SYNPR: variants seen among roughly 807,000 people sequenced by gnomAD.
The protein encoded by SYNPR is synaptoporin.
Under a neutral mutation model 32.9 loss-of-function variants are expected in SYNPR, and 23 were observed. The observed-to-expected ratio is 0.70, with a 90% CI of 0.50 to 0.99. SYNPR has a LOEUF of 0.99. SYNPR is among the 50% of genes least tolerant of loss of function. The pLI, the probability that SYNPR is intolerant of heterozygous loss-of-function variation, is 0.00. For missense variants in SYNPR, 318 were observed against 349.3 expected, an observed-to-expected ratio of 0.91 and a Z score of 0.71; for synonymous variants, 146 against 135.9, an observed-to-expected ratio of 1.07 and a Z score of -0.52.
intron 3 of SYNPR, among the ~76,000 whole-genome samples, chr3:63,493,650 T>C (rs1210830751): frequency 2.0e-5 from 3 of 151,796 alleles, no homozygotes; most frequent in Non-Finnish European, 4.4e-5. Flanking sequence ...ACCTCATCTC[T>C]ACTGAAAATA....
chr3:63,528,088 A>G (rs1702048320), intron 3 of SYNPR, among the ~76,000 whole-genome samples: 1 of 152,212 alleles, frequency 6.6e-6, no homozygotes, highest in South Asian at 2.1e-4. Flanking sequence ...CACTTGGAAG[A>G]TAACTACAGG....
At chr3:63,478,474 A>G (rs1700977579) in intron 2 of SYNPR, among the ~76,000 whole-genome samples, 1 of 152,184 alleles carries the variant, frequency 6.6e-6, no homozygotes, top group South Asian at 2.1e-4. Context: ...ATGCCTCACA[A>G]TATTGTTGCC....
At position 63,441,776 on chromosome 3, in the gene SYNPR, G is replaced by T. The variant is rs1559500271; in HGVS notation, c.85-39056G>T. On this transcript the variant is annotated intron_variant, in intron 2 of 5. Coordinates refer to ENST00000478300, the MANE Select transcript of SYNPR (RefSeq NM_001130003.2). The stretch of plus-strand genomic sequence containing the variant: ...TGAAGAATTGGTAAGCACCCCAAAA[G>T]CTCAGGCATAGGCAACAAGCGGATC... Among the ~76,000 whole-genome samples, 8 of 152,320 alleles carry T rather than the reference G, an allele frequency of 5.3e-5. No individual in the cohort carries two copies. The South Asian group carries it at 1.7e-3, about 32-fold the overall frequency.
At chr3:63,393,917 T>C (rs888479482) in intron 2 of SYNPR, among the ~76,000 whole-genome samples, 1 of 152,222 alleles carries the variant, frequency 6.6e-6, no homozygotes, top group Non-Finnish European at 1.5e-5. Flanking sequence ...TTTCTGTTTA[T>C]ATCTTTTGTC....
At chr3:63,484,328 C>T (rs950790887) in intron 3 of SYNPR, among the ~76,000 whole-genome samples, 14 of 152,110 alleles carry the variant, frequency 9.2e-5, no homozygotes, top group Non-Finnish European at 2.1e-4. Context: ...ATGAAATTTA[C>T]TTGATAACTA....
Position 63,607,799 on chromosome 3 carries a change from T to C in SYNPR, c.409-1326T>C, listed in dbSNP as rs1857820. 7.2e-5 allele frequency among the ~76,000 whole-genome samples: 11 copies of C among 152,264 alleles called. No homozygotes were observed. The East Asian group carries it at 2.1e-3, about 30-fold the overall frequency. ...CCACAAAGATCACACCTAACAAATGTCTGGCACCACAGCATCTATAGAGTG... is the reference window on the plus strand; with the variant it reads ...CCACAAAGATCACACCTAACAAATGCCTGGCACCACAGCATCTATAGAGTG... On this transcript the variant is annotated intron_variant, in intron 4 of 5. Coordinates refer to ENST00000478300, the MANE Select transcript of SYNPR (RefSeq NM_001130003.2).
At position 63,616,096 on chromosome 3, in the gene SYNPR, T is replaced by C. The variant is rs1700274851; in HGVS notation, c.*615T>C. On this transcript the variant is annotated 3_prime_UTR_variant, in exon 6 of 6. Transcript: ENST00000478300. ...TTGCACCATGAATTTGTCAAATGGA[T>C]ATTTATAGGAATATATTCACTACTT... 1 of 152,260 alleles carries C rather than the reference T, an allele frequency of 6.6e-6. No homozygotes were observed. The highest frequency in any genetic ancestry group is 1.5e-5 in the Non-Finnish European group (1 of 68,064). The allele number at this position is 152,260 out of a possible 1,614,324, so 9.4% of individuals were successfully genotyped here. A position where few individuals can be genotyped will look rare whatever the true frequency, so the allele number is the denominator to read the frequency against.
At position 63,250,403 on chromosome 3, in the gene SYNPR, C is replaced by A. The variant is rs1164137852; in HGVS notation, n.67-2096C>A. On this transcript the variant is annotated intron_variant and non_coding_transcript_variant, in intron 1 of 4. Transcript: ENST00000478456. ...GCCTGGGGCAATTATTCATTCCTAA[C>A]AGGACTGAAAAATAGAAACTAGCCT... Among the ~76,000 whole-genome samples, 3 of 152,112 alleles carry A rather than the reference C, an allele frequency of 2.0e-5. No individual in the cohort carries two copies. In the East Asian group the frequency reaches 5.8e-4, roughly 29 times the overall value.
chr3:63,375,611 C>A (rs766307731), intron 2 of SYNPR, among the ~76,000 whole-genome samples: 5 of 152,104 alleles, frequency 3.3e-5, no homozygotes, highest in Non-Finnish European at 7.4e-5. Context: ...AGGAGAAATA[C>A]CTAATATAAA....
chr3:63,413,940 T>C (rs2088502718), intron 2 of SYNPR, among the ~76,000 whole-genome samples: 1 of 151,914 alleles, frequency 6.6e-6, no homozygotes, highest in African/African-American at 2.4e-5. Flanking sequence ...ATTTATTTTC[T>C]TAGTAACAGT....
At chr3:63,273,728 T>A (rs951803012), upstream of SYNPR, among the ~76,000 whole-genome samples, 7 of 152,318 alleles carry the variant, frequency 4.6e-5, no homozygotes, top group African/African-American at 1.7e-4. Context: ...ATGATCCTAT[T>A]TGAATGCTAA....
chr3:63,474,205 T>C (rs1460537706), intron 2 of SYNPR, among the ~76,000 whole-genome samples: 2 of 152,304 alleles, frequency 1.3e-5, no homozygotes, highest in East Asian at 3.9e-4. Flanking sequence ...ACCAATTTCC[T>C]TCTCACACTG....
intron 2 of SYNPR, among the ~76,000 whole-genome samples, chr3:63,394,383 C>T (rs914130963): frequency 6.6e-6 from 1 of 152,190 alleles, no homozygotes; most frequent in African/African-American, 2.4e-5. Context: ...CTGATTTTGG[C>T]TCTTCCAAGG....
chr3:63,431,835 C>CT (rs11331181), intron 2 of SYNPR, among the ~76,000 whole-genome samples: 51,665 of 144,400 alleles, frequency 0.36, 9,456 homozygotes, highest in Admixed American at 0.47. Context: ...TTTCCCTTTT[C>CT]TTTTTTTTTT....
At chr3:63,408,315 G>GAAAGAAAGAAAGAAAGAAAAA (rs2088410694) in intron 2 of SYNPR, among the ~76,000 whole-genome samples, 3 of 42,070 alleles carry the variant, frequency 7.1e-5, no homozygotes, top group African/African-American at 3.0e-4. Context: ...AAGGAAGGAA[G>GAAAGAAAGAAAGAAAGAAAAA]GAAGGAAAGA....
intron 2 of SYNPR, among the ~76,000 whole-genome samples, chr3:63,315,742 T>A: frequency 6.6e-6 from 1 of 151,948 alleles, no homozygotes; most frequent in South Asian, 2.1e-4. Flanking sequence ...CTTTCTCTTG[T>A]CTGATTGCTC....
chr3:63,583,781 G>T (rs1221069540), intron 4 of SYNPR, among the ~76,000 whole-genome samples: 3 of 152,102 alleles, frequency 2.0e-5, no homozygotes, highest in Admixed American at 2.0e-4. Flanking sequence ...TTAAGTCAAT[G>T]ATCTATTATA....
intron 2 of SYNPR, among the ~76,000 whole-genome samples, chr3:63,358,790 C>A (rs1167185774): frequency 6.6e-6 from 1 of 152,160 alleles, no homozygotes; most frequent in African/African-American, 2.4e-5. Flanking sequence ...GTAGGTTCTA[C>A]TATTGTCCTC....
In SYNPR at chr3:63,509,284, GTGTGTATA is replaced by G. The variant is rs1701648371; in HGVS notation, c.209+28330_209+28337del. On this transcript the variant is annotated intron_variant, in intron 3 of 5. Coordinates refer to ENST00000478300, the MANE Select transcript of SYNPR (RefSeq NM_001130003.2). ...TTAAGGCTGAAAGTTATATATATGT[GTGTGTATA>G]TATATATACACACACATATATATAA... Among the ~76,000 whole-genome samples the G allele has an allele frequency of 4.8e-5, 4 of 84,032 alleles. No individual in the cohort carries two copies. The South Asian group carries it at 1.4e-3, about 30-fold the overall frequency. 55.1% of individuals were successfully genotyped at this position (84,032 alleles called of 152,430 possible). A position where few individuals can be genotyped will look rare whatever the true frequency, so the allele number is the denominator to read the frequency against.
Sources: allele counts gnomAD v4.1 joint callset (sites outside exome capture counted in the v4.1 genomes callset), GRCh38; gene constraint gnomAD v4.1.1; transcripts MANE v1.5; gene names NCBI Gene and HGNC (gene_info 2026-07-23, HGNC 2026-07-21).